Variants in YME1L1 observed in about 807,000 individuals in gnomAD.
The protein encoded by YME1L1 is YME1 like 1 ATPase.
YME1L1 carries 39 observed loss-of-function variants against 90.4 expected under a neutral mutation model. The ratio of observed to expected loss-of-function variants is 0.43; its 90% CI spans 0.33 to 0.56. YME1L1 has a LOEUF of 0.56. YME1L1 is among the 20% of genes least tolerant of loss of function. The pLI is 0.03. For synonymous variants in YME1L1, 284 were observed against 287.3 expected, an observed-to-expected ratio of 0.99 and a Z score of 0.12; for missense variants, 617 against 868.4, an observed-to-expected ratio of 0.71 and a Z score of 3.64.
chr10:27,128,082 T>C (rs946672762), intron 8 of YME1L1, among the ~76,000 whole-genome samples: 5 of 152,174 alleles, frequency 3.3e-5, no homozygotes, highest in African/African-American at 1.2e-4. Context: ...ATAAGATCTA[T>C]CAAGGAAAAT....
At chr10:27,113,896 G>C (rs2056785820) in intron 18 of YME1L1, among the ~76,000 whole-genome samples, 1 of 150,258 alleles carries the variant, frequency 6.7e-6, no homozygotes, top group Admixed American at 6.7e-5. Flanking sequence ...TTAGGTTGCA[G>C]TGAGCCGAGA....
chr10:27,113,603 C>T (rs923644175), intron 18 of YME1L1, among the ~76,000 whole-genome samples: 3 of 148,862 alleles, frequency 2.0e-5, no homozygotes, highest in Non-Finnish European at 4.4e-5. Context: ...ACCCAGAAGG[C>T]GGAAGTTGCA....
intron 12 of YME1L1, among the ~76,000 whole-genome samples, 170 bp from the exon 13 acceptor site, chr10:27,120,717 T>C (rs2056858820): frequency 6.6e-6 from 1 of 152,184 alleles, no homozygotes; most frequent in Non-Finnish European, 1.5e-5. Context: ...CAAGTAACAG[T>C]GTCAATAACC....
At chr10:27,139,188 C>T (rs2057060062) in intron 4 of YME1L1, among the ~76,000 whole-genome samples, 1 of 151,940 alleles carries the variant, frequency 6.6e-6, no homozygotes, top group African/African-American at 2.4e-5. Context: ...GACACAGATA[C>T]ATACATATAT....
intron 11 of YME1L1, among the ~76,000 whole-genome samples, chr10:27,122,161 A>G (rs1321392846): frequency 6.6e-6 from 1 of 152,208 alleles, no homozygotes; most frequent in East Asian, 1.9e-4. Flanking sequence ...GTGAGCCACC[A>G]TGCCCAGCTT....
intron 4 of YME1L1, among the ~76,000 whole-genome samples, 193 bp downstream of exon 4, chr10:27,142,194 G>A (rs1242185908): frequency 7.2e-5 from 11 of 151,994 alleles, no homozygotes; most frequent in Non-Finnish European, 1.0e-4. Context: ...GCACTATCAC[G>A]CTCAAAATTT....
Position 27,111,977 on chromosome 10 carries a change from T to C in YME1L1, c.2151A>G (p.Ter717TrpextTer1). ...VLEGKKLEVR[*>W] Reference sequence around the variant, plus strand: ...GCAAGCATCCATATCAAGAGAGTTATCATCTCACTTCCAACTTTTTCCCCT... The same window carrying C: ...GCAAGCATCCATATCAAGAGAGTTACCATCTCACTTCCAACTTTTTCCCCT... The change falls in exon 19 of 19, where the codon TGA becomes TGG. Residue 717 changes from the stop codon to tryptophan, a stop_lost. Coordinates refer to ENST00000376016, the MANE Select transcript of YME1L1 (RefSeq NM_014263.4). 3 of 1,614,046 alleles carry C rather than the reference T, an allele frequency of 1.9e-6. No homozygotes were observed. The highest frequency in any genetic ancestry group is 2.5e-6 in the Non-Finnish European group (3 of 1,179,994).
At chr10:27,128,454 G>A (rs926610980) in intron 8 of YME1L1, among the ~76,000 whole-genome samples, 2 of 152,060 alleles carry the variant, frequency 1.3e-5, no homozygotes, top group Non-Finnish European at 2.9e-5. Flanking sequence ...CACATTCCAG[G>A]ACAGGCGTGG....
chr10:27,117,618 G>A lies in YME1L1; in HGVS notation c.1677C>T (p.Ile559=), dbSNP rs769816429. 1 of 1,614,172 alleles carries A rather than the reference G, an allele frequency of 6.2e-7. No homozygotes were observed. Among genetic ancestry groups the A allele is most frequent in the Admixed American group, 1.7e-5 (1 of 60,010 alleles). ...IAYYTKDAMP[I]NKATIMPRGP... The stretch of plus-strand genomic sequence containing the variant: ...CCCGTGGCATGATTGTAGCTTTGTT[G>A]ATAGGCATTGCATCTTTTGTGTAAT... Residue 559 remains isoleucine, a synonymous_variant, in exon 15 of 19, where the codon ATC becomes ATT. Transcript: ENST00000376016.
chr10:27,151,852 G>A (rs1387195066), intron 1 of YME1L1, among the ~76,000 whole-genome samples: 1 of 149,948 alleles, frequency 6.7e-6, no homozygotes, highest in Non-Finnish European at 1.5e-5. Flanking sequence ...CTGCACTCCA[G>A]CCTGGGCGAC....
intron 7 of YME1L1, among the ~76,000 whole-genome samples, chr10:27,132,395 G>A (rs1351094363): frequency 3.3e-5 from 5 of 151,908 alleles, no homozygotes; most frequent in African/African-American, 9.7e-5. Flanking sequence ...CACTACGCCC[G>A]GCTGGTCTTC....
chr10:27,151,411 G>C (rs1285730249), intron 1 of YME1L1, among the ~76,000 whole-genome samples: 1 of 152,158 alleles, frequency 6.6e-6, no homozygotes, highest in Non-Finnish European at 1.5e-5. Flanking sequence ...GTTCAGGAGG[G>C]CTCTGCCCTC....
chr10:27,141,601 G>GACACAC (rs60043957), intron 4 of YME1L1, among the ~76,000 whole-genome samples: 300 of 141,572 alleles, frequency 2.1e-3, no homozygotes, highest in East Asian at 0.011. Flanking sequence ...GATGTCCCTC[G>GACACAC]ACACACACAC....
intron 4 of YME1L1, among the ~76,000 whole-genome samples, chr10:27,142,015 T>C (rs2057092738): frequency 6.6e-6 from 1 of 152,196 alleles, no homozygotes; most frequent in African/African-American, 2.4e-5. Flanking sequence ...AGCCCTCAAA[T>C]TTCTCGTCCG....
chr10:27,128,814 C>T (rs1451148011), intron 8 of YME1L1, among the ~76,000 whole-genome samples: 6 of 151,710 alleles, frequency 4.0e-5, no homozygotes, highest in Non-Finnish European at 5.9e-5. Context: ...GAGGCTGAGG[C>T]GGGAGGATGG....
Position 27,123,748 on chromosome 10 carries a change from C to T in YME1L1, c.950-49G>A, listed in dbSNP as rs762016444. On this transcript the variant is annotated intron_variant, in intron 9 of 18. Coordinates refer to ENST00000376016, the MANE Select transcript of YME1L1 (RefSeq NM_014263.4). The stretch of plus-strand genomic sequence containing the variant: ...TGATTCAAAGTATTTTTAAAAAATC[C>T]CTCGATATGAACCTATAAAATAAAT... 40 of 1,541,160 alleles carry T rather than the reference C, an allele frequency of 2.6e-5. 1 individual carries two copies. In the South Asian group the frequency reaches 4.4e-4, roughly 17 times the overall value.
rs893568393 is a variant in YME1L1, at chr10:27,137,293, G to GCAATTTGCATTTTCATTTT, written c.431-909_431-908insAAAATGAAAATGCAAATTG. Among the ~76,000 whole-genome samples the GCAATTTGCATTTTCATTTT allele has an allele frequency of 1.6e-4, 24 of 152,224 alleles. 1 individual carries two copies. Among genetic ancestry groups the GCAATTTGCATTTTCATTTT allele is most frequent in the Admixed American group, 1.3e-3 (20 of 15,296 alleles). On this transcript the variant is annotated intron_variant, in intron 4 of 18. Transcript: ENST00000376016. The stretch of plus-strand genomic sequence containing the variant: ...ATTTTTTGCAATTTTCATTTTTCGT[G>GCAATTTGCATTTTCATTTT]CATATTTTTCAGAACAGAACAGTGC...
At chr10:27,129,625 A>C (rs573239059) in intron 8 of YME1L1, among the ~76,000 whole-genome samples, 1 of 152,320 alleles carries the variant, frequency 6.6e-6, no homozygotes, top group Admixed American at 6.5e-5. Flanking sequence ...GTTCTGAGAA[A>C]TCAAATGTAA....
chr10:27,131,465 A>C (rs1472230116), intron 8 of YME1L1, among the ~76,000 whole-genome samples: 2 of 152,240 alleles, frequency 1.3e-5, no homozygotes, highest in African/African-American at 4.8e-5. Context: ...GTGGAGTTAC[A>C]AAGATCAGTA....
Sources: gnomAD v4.1 joint callset for allele counts (sites outside exome capture counted in the v4.1 genomes callset) on GRCh38, gnomAD v4.1.1 for gene constraint, MANE v1.5 for transcripts, NCBI Gene and HGNC (gene_info 2026-07-23, HGNC 2026-07-21) for gene names.